VDR: variants seen among roughly 807,000 people sequenced by gnomAD.
VDR encodes vitamin D receptor.
Under a neutral mutation model 39.7 loss-of-function variants are expected in VDR, and 19 were observed. The ratio of observed to expected loss-of-function variants is 0.48; its 90% CI spans 0.33 to 0.70. VDR has a LOEUF of 0.70. Among genes scored for constraint, VDR ranks in the 30% least tolerant of loss-of-function variants. The pLI, the probability that VDR is intolerant of heterozygous loss-of-function variation, is 0.02. For missense variants in VDR, 442 were observed against 570.5 expected, an observed-to-expected ratio of 0.77 and a Z score of 2.29; for synonymous variants, 242 against 215.8, an observed-to-expected ratio of 1.12 and a Z score of -1.07.
intron 1 of VDR, among the ~76,000 whole-genome samples, chr12:47,903,524 G>A (rs918766622): frequency 2.6e-5 from 4 of 152,312 alleles, no homozygotes; most frequent in Non-Finnish European, 4.4e-5. Context: ...GACAGGGAAG[G>A]GACGGCAGGT....
rs140208176 is a variant in VDR at position 47,847,969 on chromosome 12, G to A, written c.756-1161C>T. On this transcript the variant is annotated intron_variant, in intron 7 of 9. Transcript: ENST00000549336. Reference sequence around the variant, plus strand: ...GGCTGGAGTGCAGTGGCGCGATCTCGGCTCACTGCAAGCTTCGCCTCCCAG... The same window carrying A: ...GGCTGGAGTGCAGTGGCGCGATCTCAGCTCACTGCAAGCTTCGCCTCCCAG... Among the ~76,000 whole-genome samples, 1,016 of 151,898 alleles carry A rather than the reference G, an allele frequency of 6.7e-3. 16 individuals are homozygous for A. The highest frequency in any genetic ancestry group is 0.022 in the African/African-American group (925 of 41,396).
At chr12:47,847,577 CTT>C (rs796273226) in intron 7 of VDR, among the ~76,000 whole-genome samples, 3 of 149,422 alleles carry the variant, frequency 2.0e-5, no homozygotes, top group African/African-American at 4.9e-5. Context: ...CTCACTGTGC[CTT>C]TTTTTTTTCT....
At chr12:47,847,629 G>A (rs1945304980) in intron 7 of VDR, among the ~76,000 whole-genome samples, 1 of 151,992 alleles carries the variant, frequency 6.6e-6, no homozygotes, top group South Asian at 2.1e-4. Flanking sequence ...CTGGAGTGCA[G>A]TGTTATGATC....
At chr12:47,872,040 C>T (rs1945892537) in intron 3 of VDR, among the ~76,000 whole-genome samples, 1 of 152,244 alleles carries the variant, frequency 6.6e-6, no homozygotes, top group African/African-American at 2.4e-5. Context: ...AGGTGATTTA[C>T]TTTTCACTTA....
At chr12:47,898,135 G>A (rs947353689) in intron 1 of VDR, among the ~76,000 whole-genome samples, 1 of 152,118 alleles carries the variant, frequency 6.6e-6, no homozygotes, top group Non-Finnish European at 1.5e-5. Flanking sequence ...GCCCAGAGAG[G>A]AAGGGCTTCA....
Position 47,846,366 on chromosome 12 carries a change from G to A in VDR, c.993C>T (p.Val331=). ...KKLNLHEEEH[V]LLMAICIVSP... ...AGACGATGCAGATGGCCATGAGCAG[G>A]ACATGCTCCTCCTCATGCAAGTTCA... The change falls in exon 9 of 10, where the codon GTC becomes GTT. Residue 331 remains valine (V), a synonymous_variant. Transcript: ENST00000549336. 6.2e-7 allele frequency: 1 copy of A among 1,603,458 alleles called. No individual in the cohort carries two copies. The highest frequency in any genetic ancestry group is 1.7e-4 in the Middle Eastern group (1 of 6,056).
chr12:47,895,616 A>AG (rs1442757561), intron 1 of VDR, among the ~76,000 whole-genome samples: 2 of 152,166 alleles, frequency 1.3e-5, no homozygotes, highest in Admixed American at 1.3e-4. Flanking sequence ...TTAAAAAAAA[A>AG]CTACCAGAGG....
intron 1 of VDR, among the ~76,000 whole-genome samples, chr12:47,885,208 G>A (rs946035884): frequency 6.6e-6 from 1 of 152,172 alleles, no homozygotes; most frequent in Non-Finnish European, 1.5e-5. Context: ...AAGCAGAGGG[G>A]GAGGAGCTCA....
At chr12:47,886,831 CTCTT>C (rs1946264820) in intron 1 of VDR, among the ~76,000 whole-genome samples, 1 of 152,240 alleles carries the variant, frequency 6.6e-6, no homozygotes, top group South Asian at 2.1e-4. Context: ...GCAATCCACT[CTCTT>C]TGGATGGCTC....
chr12:47,877,165 C>T (rs963795379), intron 3 of VDR, among the ~76,000 whole-genome samples: 1 of 152,114 alleles, frequency 6.6e-6, no homozygotes, highest in Non-Finnish European at 1.5e-5. Flanking sequence ...ATGGAAGGAT[C>T]GCTTGAGCCC....
At chr12:47,869,819 C>A (rs1945815621) in intron 3 of VDR, among the ~76,000 whole-genome samples, 1 of 152,182 alleles carries the variant, frequency 6.6e-6, no homozygotes, top group Non-Finnish European at 1.5e-5. Flanking sequence ...ATCGCTTGAG[C>A]TGGTGAGGTC....
chr12:47,883,357 G>A (rs1946195889), intron 1 of VDR, among the ~76,000 whole-genome samples: 1 of 152,202 alleles, frequency 6.6e-6, no homozygotes, highest in Non-Finnish European at 1.5e-5. Context: ...TGTCTGTGGA[G>A]ACCGGGTGTA....
chr12:47,894,900 A>G (rs1477549911), intron 1 of VDR, among the ~76,000 whole-genome samples: 1 of 152,178 alleles, frequency 6.6e-6, no homozygotes, highest in Non-Finnish European at 1.5e-5. Flanking sequence ...GTGGATCCAC[A>G]TGGGGCATGA....
intron 1 of VDR, among the ~76,000 whole-genome samples, chr12:47,886,820 G>A (rs12721402): frequency 1.4e-3 from 209 of 152,248 alleles, no homozygotes; most frequent in Non-Finnish European, 2.3e-3. Context: ...CACCTCCCAC[G>A]GCAATCCACT....
chr12:47,901,568 T>C (rs12721377), intron 1 of VDR: 3,554 of 155,508 alleles, frequency 0.023, 56 homozygotes, highest in Middle Eastern at 0.074. Flanking sequence ...AACCTGATTA[T>C]AGGTGACCTA....
At chr12:47,867,895 C>T (rs990916192) in intron 3 of VDR, among the ~76,000 whole-genome samples, 9 of 152,296 alleles carry the variant, frequency 5.9e-5, no homozygotes, top group African/African-American at 2.2e-4. Context: ...CAAGCTTGCT[C>T]TAGCAAATGG....
chr12:47,902,982 T>C (rs1280405219), intron 1 of VDR, among the ~76,000 whole-genome samples: 4 of 152,172 alleles, frequency 2.6e-5, no homozygotes, highest in African/African-American at 9.7e-5. Context: ...AAGAGATCAG[T>C]TTTGAGGTCA....
chr12:47,893,276 T>C (rs182243498), intron 1 of VDR, among the ~76,000 whole-genome samples: 3 of 152,298 alleles, frequency 2.0e-5, no homozygotes, highest in African/African-American at 7.2e-5. Context: ...CATTGTTTCA[T>C]TGAGACGTTA....
At chr12:47,891,374 T>C (rs1946365871) in intron 1 of VDR, among the ~76,000 whole-genome samples, 5 of 152,224 alleles carry the variant, frequency 3.3e-5, no homozygotes, top group Admixed American at 3.3e-4. Context: ...ATTATAACTG[T>C]ACCTGGCTTT....
Sources: gnomAD v4.1 joint callset for allele counts (sites outside exome capture counted in the v4.1 genomes callset) on GRCh38, gnomAD v4.1.1 for gene constraint, MANE v1.5 for transcripts, NCBI Gene and HGNC (gene_info 2026-07-23, HGNC 2026-07-21) for gene names.